The following TMEM132C variants were observed in gnomAD, a reference collection of about 807,000 sequenced individuals.
TMEM132C encodes the protein protein phosphatase 1, regulatory subunit 152.
A neutral mutation model predicts 61.4 loss-of-function variants in TMEM132C; 29 were observed. That is an observed-to-expected ratio of 0.47 (90% CI 0.35 to 0.64). The LOEUF (loss-of-function observed/expected upper bound fraction) is 0.64, where lower values mean the gene tolerates loss of function less well. Among genes scored for constraint, TMEM132C ranks in the 30% least tolerant of loss-of-function variants. The pLI is 0.00. For missense variants in TMEM132C, 1,408 were observed against 1,476.9 expected (o/e 0.95, Z 0.76); for synonymous variants, 656 against 633.1 (o/e 1.04, Z -0.54).
chr12:128,321,752 T>A (rs1412504933), intron 1 of TMEM132C, among the ~76,000 whole-genome samples: 1 of 152,236 alleles, frequency 6.6e-6, no homozygotes, highest in Non-Finnish European at 1.5e-5. Context: ...AGAAACTGGG[T>A]AGAGAGTCCA....
At position 128,379,657 on chromosome 12, in the gene TMEM132C, GA is replaced by G. The variant is rs1874339555; in HGVS notation, c.86-35071del. On this transcript the variant is annotated intron_variant, in intron 1 of 8. Transcript: ENST00000435159. ...TCTTCCTGCATCTTTTCTTCCTCTG[GA>G]AAAGGACACCTGTCATTGGATTAAG... 3.9e-5 allele frequency among the ~76,000 whole-genome samples: 6 copies of G among 152,140 alleles called. No homozygotes were observed. In the South Asian group the frequency reaches 1.0e-3, roughly 26 times the overall value.
At chr12:128,410,636 C>T (rs2136017754) in intron 1 of TMEM132C, among the ~76,000 whole-genome samples, 1 of 152,220 alleles carries the variant, frequency 6.6e-6, no homozygotes, top group Middle Eastern at 3.4e-3. Flanking sequence ...GATCTCTTGA[C>T]CTCGTGATCC....
intron 1 of TMEM132C, among the ~76,000 whole-genome samples, chr12:128,335,714 C>T (rs889050524): frequency 2.6e-5 from 4 of 152,086 alleles, no homozygotes; most frequent in East Asian, 1.9e-4. Flanking sequence ...TTTGTGAGTC[C>T]CCATAGCAGC....
chr12:128,604,496 A>G (rs965193910), intron 3 of TMEM132C, among the ~76,000 whole-genome samples: 16 of 151,874 alleles, frequency 1.1e-4, no homozygotes, highest in African/African-American at 3.9e-4. Flanking sequence ...TCATAGAGGG[A>G]TAGACAGATG....
intron 1 of TMEM132C, among the ~76,000 whole-genome samples, chr12:128,401,575 A>G (rs1223682101): frequency 2.0e-5 from 3 of 152,178 alleles, no homozygotes; most frequent in Non-Finnish European, 4.4e-5. Flanking sequence ...TTCGGAAAGG[A>G]TCAACGACTT....
chr12:128,290,654 A>G (rs1296401971), intron 1 of TMEM132C, among the ~76,000 whole-genome samples: 1 of 152,130 alleles, frequency 6.6e-6, no homozygotes, highest in African/African-American at 2.4e-5. Context: ...GCTTGGGCCC[A>G]TCAACCAACA....
chr12:128,440,144 T>C (rs1037421333), intron 2 of TMEM132C, among the ~76,000 whole-genome samples: 1 of 152,230 alleles, frequency 6.6e-6, no homozygotes, highest in Non-Finnish European at 1.5e-5. Flanking sequence ...ATTTCTCCCA[T>C]TCTCCTGTCT....
chr12:128,538,552 C>A (rs879426980), intron 2 of TMEM132C, among the ~76,000 whole-genome samples: 1 of 152,158 alleles, frequency 6.6e-6, no homozygotes, highest in Admixed American at 6.6e-5. Flanking sequence ...CCAAACCCAG[C>A]CACAACTTCC....
At chr12:128,488,384 G>A (rs1871575987) in intron 2 of TMEM132C, among the ~76,000 whole-genome samples, 2 of 152,198 alleles carry the variant, frequency 1.3e-5, no homozygotes, top group South Asian at 2.1e-4. Context: ...TTATTGGCTA[G>A]GTGTGGTGGC....
rs1210328975 is a variant in TMEM132C, at chr12:128,616,154, G to T, written c.1124G>T (p.Ser375Ile). ...CCAGTTTCTTTTCTCTCTTCCAGGA[G>T]CAGCAGTTTATTCAATGAGGTTGTG... ...QRLGPSPRNRSSSLFNEVVQM... is the reference protein window; with the variant it reads ...QRLGPSPRNRISSLFNEVVQM... Residue 375 changes from serine (S) to isoleucine (I), a missense_variant and splice_region_variant, in exon 4 of 9, where the codon AGC (serine) becomes ATC (isoleucine). By Grantham distance (142) the Ser-to-Ile change is moderately radical. Transcript: ENST00000435159. 20 of 1,551,156 alleles carry T rather than the reference G, an allele frequency of 1.3e-5. No homozygotes were observed. Among genetic ancestry groups the T allele is most frequent in the Non-Finnish European group, 1.7e-5 (20 of 1,146,750 alleles).
At chr12:128,545,767 T>G (rs1370726181) in intron 3 of TMEM132C, among the ~76,000 whole-genome samples, 4 of 152,206 alleles carry the variant, frequency 2.6e-5, no homozygotes, top group Non-Finnish European at 5.9e-5. Flanking sequence ...AGATTTATTC[T>G]TATAGATAAT....
At chr12:128,572,232 G>T (rs1297395173) in intron 3 of TMEM132C, among the ~76,000 whole-genome samples, 4 of 146,198 alleles carry the variant, frequency 2.7e-5, no homozygotes, top group African/African-American at 5.4e-5. Flanking sequence ...CCAGGCCTGG[G>T]TCACAGGCCC....
chr12:128,405,875 G>A (rs1350857796), intron 1 of TMEM132C, among the ~76,000 whole-genome samples: 1 of 152,174 alleles, frequency 6.6e-6, no homozygotes, highest in Non-Finnish European at 1.5e-5. Context: ...GCAGTCTTGG[G>A]CATGTATGTA....
chr12:128,536,880 A>T (rs1476174223), intron 2 of TMEM132C, among the ~76,000 whole-genome samples: 1 of 152,198 alleles, frequency 6.6e-6, no homozygotes, highest in Non-Finnish European at 1.5e-5. Context: ...CTCATAAAGG[A>T]TTGCAGCCTG....
chr12:128,597,814 G>T (rs187016166), intron 3 of TMEM132C, among the ~76,000 whole-genome samples: 22 of 152,338 alleles, frequency 1.4e-4, no homozygotes, highest in African/African-American at 4.8e-4. Flanking sequence ...TAAGGTGTCT[G>T]CCTGAGGCGG....
intron 3 of TMEM132C, among the ~76,000 whole-genome samples, chr12:128,590,669 A>G (rs183745807): frequency 8.5e-5 from 13 of 152,200 alleles, no homozygotes; most frequent in Non-Finnish European, 1.6e-4. Flanking sequence ...ACATCACATA[A>G]GGAGACGCAG....
intron 2 of TMEM132C, among the ~76,000 whole-genome samples, chr12:128,468,620 A>G (rs1870823890): frequency 6.6e-6 from 1 of 152,118 alleles, no homozygotes; most frequent in Non-Finnish European, 1.5e-5. Context: ...CGCCTGACCA[A>G]ATTTACTCTA....
chr12:128,352,400 A>G (rs1490363741), intron 1 of TMEM132C, among the ~76,000 whole-genome samples: 2 of 152,150 alleles, frequency 1.3e-5, no homozygotes, highest in African/African-American at 2.4e-5. Flanking sequence ...CATGACCATG[A>G]TTCAGTTACC....
At chr12:128,655,817 C>G (rs771062402) in intron 4 of TMEM132C, among the ~76,000 whole-genome samples, 1 of 152,046 alleles carries the variant, frequency 6.6e-6, no homozygotes, top group Admixed American at 6.5e-5. Flanking sequence ...TTTGTTGTAA[C>G]GCATTCCAGT....
Sources: allele counts gnomAD v4.1 joint callset (sites outside exome capture counted in the v4.1 genomes callset), GRCh38; gene constraint gnomAD v4.1.1; transcripts MANE v1.5; gene names NCBI Gene and HGNC (gene_info 2026-07-23, HGNC 2026-07-21).